Variants in SERINC5 observed in about 807,000 individuals in gnomAD.
The protein encoded by SERINC5 is chromosome 5 open reading frame 12.
A neutral mutation model predicts 63.1 loss-of-function variants in SERINC5; 41 were observed. The observed-to-expected ratio is 0.65, with a 90% CI of 0.51 to 0.84. The LOEUF is 0.84. Among genes scored for constraint, SERINC5 ranks in the 40% least tolerant of loss-of-function variants. The pLI, the probability that SERINC5 is intolerant of heterozygous loss-of-function variation, is 0.00. For missense variants in SERINC5, 523 were observed against 573.0 expected (o/e 0.91, Z 0.89); for synonymous variants, 222 against 215.2 (o/e 1.03, Z -0.28).
Position 80,140,086 on chromosome 5 carries a change from T to C in SERINC5, c.*3577A>G, listed in dbSNP as rs116695342. 2.4e-3 allele frequency: 2,381 copies of C among 972,280 alleles called. 45 individuals are homozygous for C. In the African/African-American group the frequency reaches 0.038, roughly 16 times the overall value. 60.2% of individuals were successfully genotyped at this position (972,280 alleles called of 1,614,324 possible). A position where few individuals can be genotyped will look rare whatever the true frequency, so the allele number is the denominator to read the frequency against. Reference sequence around the variant, plus strand: ...GGTTTACGCCTATAATCCCAGCACTTTGGGAAGCCAAGGCGGGCACATTGC... The same window carrying C: ...GGTTTACGCCTATAATCCCAGCACTCTGGGAAGCCAAGGCGGGCACATTGC... On this transcript the variant is annotated 3_prime_UTR_variant, in exon 12 of 12. Coordinates refer to ENST00000507668, the MANE Select transcript of SERINC5 (RefSeq NM_001174072.3).
At chr5:80,206,143 ACAATAAAATC>A (rs1750152555) in intron 1 of SERINC5, among the ~76,000 whole-genome samples, 1 of 152,220 alleles carries the variant, frequency 6.6e-6, no homozygotes, top group Non-Finnish European at 1.5e-5. Flanking sequence ...ACTGCAGATT[ACAATAAAATC>A]TGTATGTATT....
chr5:80,180,267 T>C (rs1748330069), intron 2 of SERINC5, among the ~76,000 whole-genome samples: 1 of 152,208 alleles, frequency 6.6e-6, no homozygotes, highest in Non-Finnish European at 1.5e-5. Flanking sequence ...ACTTGCTTCT[T>C]ATCAACATCA....
chr5:80,237,356 A>G (rs1751742959), intron 1 of SERINC5, among the ~76,000 whole-genome samples: 1 of 143,536 alleles, frequency 7.0e-6, no homozygotes, highest in Admixed American at 7.1e-5. Flanking sequence ...TTTTTTTTTC[A>G]TGTCTTTTGT....
chr5:80,158,012 AGG>A (rs1013479246), intron 8 of SERINC5: 2 of 152,244 alleles, frequency 1.3e-5, no homozygotes, highest in African/African-American at 2.4e-5. Context: ...TTCAGCAAAA[AGG>A]AAGTTTACAA....
chr5:80,140,519 A>G lies in SERINC5; in HGVS notation c.*3144T>C, dbSNP rs1745446350. 1.3e-5 allele frequency: 13 copies of G among 984,658 alleles called. No homozygotes were observed. Among genetic ancestry groups the G allele is most frequent in the Non-Finnish European group, 1.6e-5 (13 of 829,706 alleles). 61.0% of individuals were successfully genotyped at this position (984,658 alleles called of 1,614,324 possible). A position where few individuals can be genotyped will look rare whatever the true frequency, so the allele number is the denominator to read the frequency against. On this transcript the variant is annotated 3_prime_UTR_variant, in exon 12 of 12. Coordinates refer to ENST00000507668, the MANE Select transcript of SERINC5 (RefSeq NM_001174072.3). ...TATCTCCCCTTCAAAGAGGCTCCAA[A>G]TACCTCTGGCAAATAATTTCTTTTT...
At chr5:80,247,651 T>C (rs1269570649) in intron 1 of SERINC5, among the ~76,000 whole-genome samples, 1 of 152,194 alleles carries the variant, frequency 6.6e-6, no homozygotes, top group African/African-American at 2.4e-5. Context: ...GAGGATTACC[T>C]GACAACCTGA....
chr5:80,147,561 C>T (rs1165090770), intron 9 of SERINC5, among the ~76,000 whole-genome samples: 1 of 152,154 alleles, frequency 6.6e-6, no homozygotes, highest in East Asian at 1.9e-4. Flanking sequence ...GGGTAACTGC[C>T]ATGGAATGGC....
At chr5:80,208,111 G>A (rs962928456) in intron 1 of SERINC5, among the ~76,000 whole-genome samples, 1 of 152,138 alleles carries the variant, frequency 6.6e-6, no homozygotes, top group African/African-American at 2.4e-5. Flanking sequence ...GGCTCCAAGA[G>A]GGCATAAAGC....
chr5:80,239,220 C>T (rs1275284563), intron 1 of SERINC5, among the ~76,000 whole-genome samples: 4 of 152,222 alleles, frequency 2.6e-5, no homozygotes, highest in South Asian at 2.1e-4. Context: ...CCCGGAGCAA[C>T]GGGCATTACG....
Position 80,130,154 on chromosome 5 carries a change from T to A in SERINC5, c.1238+15936A>T, listed in dbSNP as rs112476793. On this transcript the variant is annotated intron_variant, in intron 11 of 12. Coordinates refer to the SERINC5 transcript ENST00000509193. ...CAGCACTTTGGGAGGCCAAGGTGGGTGGATCACTTGAGGTCAGGAGTTCAA... is the reference window on the plus strand; with the variant it reads ...CAGCACTTTGGGAGGCCAAGGTGGGAGGATCACTTGAGGTCAGGAGTTCAA... 2.0e-3 allele frequency among the ~76,000 whole-genome samples: 303 copies of A among 152,128 alleles called. 3 individuals carry two copies. The highest frequency in any genetic ancestry group is 6.0e-3 in the African/African-American group (249 of 41,510).
intron 1 of SERINC5, among the ~76,000 whole-genome samples, chr5:80,224,433 C>T (rs1217117736): frequency 6.6e-6 from 1 of 151,120 alleles, no homozygotes; most frequent in East Asian, 2.0e-4. Context: ...GCAGATACTG[C>T]ACCACTGCAC....
At chr5:80,147,476 T>G (rs1745897277) in intron 9 of SERINC5, among the ~76,000 whole-genome samples, 192 bp from the exon 10 acceptor site, 1 of 152,180 alleles carries the variant, frequency 6.6e-6, no homozygotes, top group Non-Finnish European at 1.5e-5. Context: ...TCCTCATCCG[T>G]GGACTTGGTG....
intron 7 of SERINC5, among the ~76,000 whole-genome samples, chr5:80,160,309 C>A (rs901877628): frequency 6.6e-6 from 1 of 152,162 alleles, no homozygotes; most frequent in African/African-American, 2.4e-5. Context: ...CTAAACACTA[C>A]GTAACAAAGA....
At chr5:80,174,405 A>AATAAT (rs1561394606) in intron 5 of SERINC5, among the ~76,000 whole-genome samples, 2 of 84,346 alleles carry the variant, frequency 2.4e-5, no homozygotes, top group African/African-American at 1.1e-4. Context: ...ATAATAATAA[A>AATAAT]AGAAAAAGAA....
In SERINC5 at chr5:80,256,012, C is replaced by G. The variant is rs1752671507; in HGVS notation, c.-90G>C. On this transcript the variant is annotated 5_prime_UTR_variant, in exon 1 of 12. Transcript: ENST00000507668. ...CTCGCGCCTCGAGCGCTGGGCTCAG[C>G]CGCAGCTCACACTTGAACGAAGATC... 7.7e-7 allele frequency: 1 copy of G among 1,291,590 alleles called. No homozygotes were observed. The highest frequency in any genetic ancestry group is 1.0e-6 in the Non-Finnish European group (1 of 977,414). 80.0% of individuals were successfully genotyped at this position (1,291,590 alleles called of 1,614,324 possible). A position where few individuals can be genotyped will look rare whatever the true frequency, so the allele number is the denominator to read the frequency against.
chr5:80,249,524 C>A (rs1011415343), intron 1 of SERINC5, among the ~76,000 whole-genome samples: 1 of 152,044 alleles, frequency 6.6e-6, no homozygotes, highest in Non-Finnish European at 1.5e-5. Flanking sequence ...AAATATCGGC[C>A]GGGCACAGTG....
downstream of SERINC5, among the ~76,000 whole-genome samples, chr5:80,138,295 C>T (rs1044318859): frequency 9.2e-5 from 14 of 151,838 alleles, no homozygotes; most frequent in African/African-American, 3.4e-4. Context: ...GGCACTGTAC[C>T]TTAAAAATTC....
intron 1 of SERINC5, among the ~76,000 whole-genome samples, chr5:80,251,505 G>A (rs1315486878): frequency 4.6e-5 from 7 of 151,880 alleles, no homozygotes; most frequent in African/African-American, 7.3e-5. Flanking sequence ...AGAGGCGGGC[G>A]GGTCACCTGA....
rs570261207 is a variant in SERINC5, at chr5:80,161,825, TAC to T, written c.860-2865_860-2864del. Among the ~76,000 whole-genome samples, 3 of 152,238 alleles carry T rather than the reference TAC, an allele frequency of 2.0e-5. No homozygotes were observed. In the South Asian group the frequency reaches 6.2e-4, roughly 32 times the overall value. Reference sequence around the variant, plus strand: ...TTCCTAGGTTTTCTTCTAGCATTTTTACAGTTTCAGGTCTTACATGTAAGTCT... The same window carrying T: ...TTCCTAGGTTTTCTTCTAGCATTTTTAGTTTCAGGTCTTACATGTAAGTCT... On this transcript the variant is annotated intron_variant, in intron 7 of 11. Coordinates refer to ENST00000507668, the MANE Select transcript of SERINC5 (RefSeq NM_001174072.3).
Sources: gnomAD v4.1 joint callset for allele counts (sites outside exome capture counted in the v4.1 genomes callset) on GRCh38, gnomAD v4.1.1 for gene constraint, MANE v1.5 for transcripts, NCBI Gene and HGNC (gene_info 2026-07-23, HGNC 2026-07-21) for gene names.